The following CSMD1 variants were observed in gnomAD, a reference collection of about 807,000 sequenced individuals.
The protein encoded by CSMD1 is CUB and sushi domain-containing protein 1.
A neutral mutation model predicts 417.5 loss-of-function variants in CSMD1; 213 were observed. The ratio of observed to expected loss-of-function variants is 0.51; its 90% CI spans 0.46 to 0.57. The LOEUF (loss-of-function observed/expected upper bound fraction) is 0.57. Among genes scored for constraint, CSMD1 ranks in the 20% least tolerant of loss-of-function variants. The pLI, the probability that CSMD1 is intolerant of heterozygous loss-of-function variation, is 0.00. For synonymous variants in CSMD1, 2,862 were observed against 1,736.8 expected, an observed-to-expected ratio of 1.65 and a Z score of -16.11; for missense variants, 6,923 against 4,529.7, an observed-to-expected ratio of 1.53 and a Z score of -15.17.
chr8:4,450,404 G>T (rs995300827), intron 2 of CSMD1, among the ~76,000 whole-genome samples: 1 of 152,098 alleles, frequency 6.6e-6, no homozygotes, highest in Non-Finnish European at 1.5e-5. Flanking sequence ...GAGGCAGGCG[G>T]ATCAGCAGGT....
rs535230667 is a variant in CSMD1, at chr8:4,312,376, A to AATATATATATATATATATAT, written c.415+107576_415+107577insATATATATATATATATATAT. ...TAAGCTAATTACTTTTAATGGAACAAATATATATATATATATACATACATA... is the reference window on the plus strand; with the variant it reads ...TAAGCTAATTACTTTTAATGGAACAAATATATATATATATATATATATATATATATATATATACATACATA... On this transcript the variant is annotated intron_variant, in intron 3 of 69. Transcript: ENST00000635120. Among the ~76,000 whole-genome samples, 27 of 63,122 alleles carry AATATATATATATATATATAT rather than the reference A, an allele frequency of 4.3e-4. 2 individuals carry two copies. The highest frequency in any genetic ancestry group is 1.6e-3 in the African/African-American group (25 of 15,726). The allele number at this position is 63,122 out of a possible 152,430, so 41.4% of individuals were successfully genotyped here.
intron 3 of CSMD1, among the ~76,000 whole-genome samples, chr8:4,255,324 C>T (rs1272005965): frequency 6.6e-6 from 1 of 152,144 alleles, no homozygotes; most frequent in Non-Finnish European, 1.5e-5. Flanking sequence ...AGGAGGGGAG[C>T]TGTTAATATC....
chr8:4,064,873 A>G (rs1318503386), intron 3 of CSMD1, among the ~76,000 whole-genome samples: 2 of 152,086 alleles, frequency 1.3e-5, no homozygotes, highest in East Asian at 1.9e-4. Context: ...TAATGTGTGT[A>G]TCTACATGGG....
intron 2 of CSMD1, among the ~76,000 whole-genome samples, chr8:4,551,667 A>T (rs1029933176): frequency 2.0e-5 from 3 of 151,764 alleles, no homozygotes; most frequent in African/African-American, 7.3e-5. Context: ...TCTCAGGATC[A>T]ATTTATTTAT....
At chr8:4,352,664 G>A (rs529319964) in intron 3 of CSMD1, among the ~76,000 whole-genome samples, 1 of 152,254 alleles carries the variant, frequency 6.6e-6, no homozygotes, top group Admixed American at 6.5e-5. Flanking sequence ...CCCCTATGAA[G>A]GTCATTTATA....
intron 37 of CSMD1, among the ~76,000 whole-genome samples, chr8:3,176,397 C>A (rs1358578265): frequency 6.6e-6 from 1 of 152,024 alleles, no homozygotes; most frequent in Non-Finnish European, 1.5e-5. Context: ...ATGTGGGGGA[C>A]AGATAGATAG....
chr8:3,817,605 AT>A (rs1302836956), intron 5 of CSMD1, among the ~76,000 whole-genome samples: 3 of 151,946 alleles, frequency 2.0e-5, no homozygotes, highest in Non-Finnish European at 4.4e-5. Flanking sequence ...GTCACAGAAT[AT>A]TTACGGGCAA....
chr8:3,616,705 C>A lies in CSMD1; in HGVS notation c.1097+5G>T. 3 of 1,588,888 alleles carry A rather than the reference C, an allele frequency of 1.9e-6. No individual in the cohort carries two copies. Among genetic ancestry groups the A allele is most frequent in the Non-Finnish European group, 2.6e-6 (3 of 1,157,936 alleles). ...GCTTTTTTCCACCACTATTGTATCT[C>A]TTACCTGAAGTCGGAACCTGCTCTT... On this transcript the variant is annotated splice_donor_5th_base_variant and intron_variant, in intron 8 of 69. Transcript: ENST00000635120.
intron 3 of CSMD1, among the ~76,000 whole-genome samples, chr8:4,331,995 G>A (rs981165219): frequency 6.6e-6 from 1 of 152,122 alleles, no homozygotes; most frequent in African/African-American, 2.4e-5. Flanking sequence ...AAATGAAAAT[G>A]CTGAGTAATT....
chr8:4,678,255 A>G (rs1177045841), intron 1 of CSMD1, among the ~76,000 whole-genome samples: 1 of 152,002 alleles, frequency 6.6e-6, no homozygotes, highest in Non-Finnish European at 1.5e-5. Flanking sequence ...TAATGAAAAT[A>G]CAAAAATTAG....
chr8:3,667,651 G>A (rs1236209897), intron 7 of CSMD1, among the ~76,000 whole-genome samples: 1 of 152,174 alleles, frequency 6.6e-6, no homozygotes, highest in African/African-American at 2.4e-5. Context: ...TGGAAACCCA[G>A]GCCTTGGGGT....
chr8:3,938,836 T>G (rs904725051), intron 5 of CSMD1, among the ~76,000 whole-genome samples: 25 of 152,156 alleles, frequency 1.6e-4, no homozygotes, highest in Non-Finnish European at 3.1e-4. Flanking sequence ...TATCTTTATT[T>G]TAGACAAAGT....
intron 1 of CSMD1, among the ~76,000 whole-genome samples, chr8:4,857,674 T>A (rs1200016351): frequency 6.6e-6 from 1 of 151,886 alleles, no homozygotes; most frequent in African/African-American, 2.4e-5. Context: ...AAGAAATGGA[T>A]AAATTCCTGG....
intron 3 of CSMD1, among the ~76,000 whole-genome samples, chr8:4,179,580 A>T (rs1199899740): frequency 6.6e-6 from 1 of 151,362 alleles, no homozygotes; most frequent in Admixed American, 6.6e-5. Context: ...TGACAAATGG[A>T]ATCTAATTAA....
intron 17 of CSMD1, among the ~76,000 whole-genome samples, chr8:3,390,262 G>T (rs145346435): frequency 1.2e-3 from 172 of 147,638 alleles, no homozygotes; most frequent in Middle Eastern, 3.6e-3. Flanking sequence ...GGCTGAGTCA[G>T]GAGAAACGCT....
At chr8:4,422,599 A>T (rs1797312296) in intron 2 of CSMD1, among the ~76,000 whole-genome samples, 1 of 152,078 alleles carries the variant, frequency 6.6e-6, no homozygotes, top group South Asian at 2.1e-4. Flanking sequence ...CTGGACCCTG[A>T]TCTCAGACTT....
intron 49 of CSMD1, among the ~76,000 whole-genome samples, chr8:3,077,671 C>T (rs1389976104): frequency 6.6e-6 from 1 of 152,254 alleles, no homozygotes; most frequent in Non-Finnish European, 1.5e-5. Context: ...GCATGCCCAT[C>T]GGGGCCTTAC....
chr8:4,994,074 C>T (rs1038636783), intron 1 of CSMD1, among the ~76,000 whole-genome samples: 1 of 152,030 alleles, frequency 6.6e-6, no homozygotes, highest in Non-Finnish European at 1.5e-5. Flanking sequence ...CCCTGTACTG[C>T]CGAGAAAAAG....
chr8:4,233,483 A>C (rs959120820), intron 3 of CSMD1, among the ~76,000 whole-genome samples: 2 of 152,214 alleles, frequency 1.3e-5, no homozygotes, highest in African/African-American at 4.8e-5. Context: ...ATTAGGAAGA[A>C]GGAGCTTTCA....
Sources: gnomAD v4.1 joint callset for allele counts (sites outside exome capture counted in the v4.1 genomes callset) on GRCh38, gnomAD v4.1.1 for gene constraint, MANE v1.5 for transcripts, NCBI Gene and HGNC (gene_info 2026-07-23, HGNC 2026-07-21) for gene names.